The following MX2 variants were observed in gnomAD, a reference collection of about 807,000 sequenced individuals.
MX2 encodes interferon-induced GTP-binding protein Mx2.
Under a neutral mutation model 74.0 loss-of-function variants are expected in MX2, and 51 were observed. The ratio of observed to expected loss-of-function variants is 0.69; its 90% CI spans 0.55 to 0.87. The LOEUF (loss-of-function observed/expected upper bound fraction) is 0.87, where lower values mean the gene tolerates loss of function less well. Among genes scored for constraint, MX2 ranks in the 40% least tolerant of loss-of-function variants. The pLI is 0.00. For synonymous variants in MX2, 369 were observed against 339.3 expected (o/e 1.09, Z -0.96); for missense variants, 832 against 908.7 (o/e 0.92, Z 1.09).
chr21:41,369,648 G>A (rs563550006), intron 1 of MX2, among the ~76,000 whole-genome samples: 50 of 152,252 alleles, frequency 3.3e-4, no homozygotes, highest in Admixed American at 2.8e-3. Context: ...CGAGAAGTGA[G>A]GTGCTGCTCT....
chr21:41,403,030 T>C, intron 11 of MX2: 1 of 482,486 alleles, frequency 2.1e-6, no homozygotes, highest in Non-Finnish European at 3.8e-6. Context: ...GAGGCTAACA[T>C]GCACACAGGC....
intron 1 of MX2, among the ~76,000 whole-genome samples, chr21:41,367,765 A>G (rs1229295138): frequency 6.6e-6 from 1 of 152,170 alleles, no homozygotes; most frequent in African/African-American, 2.4e-5. Flanking sequence ...GCGGCTCAGC[A>G]GTACAGAGCC....
At chr21:41,376,808 G>A in intron 1 of MX2, 28 bp from the exon 2 acceptor site, 6 of 1,543,500 alleles carry the variant, frequency 3.9e-6, no homozygotes, top group Non-Finnish European at 5.3e-6. Flanking sequence ...GTGACCTGTG[G>A]GCCGCTCTCC....
At position 41,380,211 on chromosome 21, in the gene MX2, C is replaced by A. The variant is rs1326036962; in HGVS notation, c.577+60C>A. Reference sequence around the variant, plus strand: ...AGCCGCTCCTCTCACTTCCTCGGTTCCTTCTCCTCTTCCTCAAGTCACCCC... The same window carrying A: ...AGCCGCTCCTCTCACTTCCTCGGTTACTTCTCCTCTTCCTCAAGTCACCCC... On this transcript the variant is annotated intron_variant, in intron 4 of 13. Coordinates refer to ENST00000330714, the MANE Select transcript of MX2 (RefSeq NM_002463.2). The surrounding 1 kb of genome is among the most constrained non-coding windows in gnomAD (Gnocchi z 4.3). 11 of 1,604,702 alleles carry A rather than the reference C, an allele frequency of 6.9e-6. No homozygotes were observed. Among genetic ancestry groups the A allele is most frequent in the Non-Finnish European group, 9.4e-6 (11 of 1,174,528 alleles).
chr21:41,407,283 G>A lies in MX2; in HGVS notation c.1905+285G>A, dbSNP rs191269045. Among the ~76,000 whole-genome samples, 42 of 152,178 alleles carry A rather than the reference G, an allele frequency of 2.8e-4. No individual in the cohort carries two copies. The East Asian group carries it at 7.7e-3, about 28-fold the overall frequency. On this transcript the variant is annotated intron_variant, in intron 13 of 13. Transcript: ENST00000330714. ...CAAAATTCCTTATATTTCTTATGCG[G>A]TCCATGAATTACAAAATTACTATGA...
chr21:41,406,011 GAC>G (rs1019627982), intron 12 of MX2, among the ~76,000 whole-genome samples: 7 of 149,204 alleles, frequency 4.7e-5, no homozygotes, highest in African/African-American at 1.7e-4. Context: ...GCCTTTTTGA[GAC>G]GGAGTTTCGC....
Position 41,363,054 on chromosome 21 carries a change from C to T in MX2, c.-72+999C>T, listed in dbSNP as rs547791052. On this transcript the variant is annotated intron_variant, in intron 1 of 13. Coordinates refer to ENST00000330714, the MANE Select transcript of MX2 (RefSeq NM_002463.2). The surrounding 1 kb of genome is among the most constrained non-coding windows in gnomAD (Gnocchi z 4.2). Reference sequence around the variant, plus strand: ...GATTACAGGCGTAAGCCACCCCATTCGGCTTTGATGACACCTTTTGAACAC... The same window carrying T: ...GATTACAGGCGTAAGCCACCCCATTTGGCTTTGATGACACCTTTTGAACAC... 4.7e-4 allele frequency among the ~76,000 whole-genome samples: 72 copies of T among 152,226 alleles called. No homozygotes were observed. Among genetic ancestry groups the T allele is most frequent in the Non-Finnish European group, 7.1e-4 (48 of 68,008 alleles).
chr21:41,387,578 T>A (rs1256654698), intron 5 of MX2, among the ~76,000 whole-genome samples: 2 of 152,182 alleles, frequency 1.3e-5, no homozygotes, highest in East Asian at 3.9e-4. Context: ...GAATTGTTCC[T>A]CACTTCCCTG....
intron 1 of MX2, among the ~76,000 whole-genome samples, chr21:41,371,567 T>G (rs1015138260): frequency 7.9e-5 from 12 of 152,186 alleles, no homozygotes; most frequent in Admixed American, 7.9e-4. Context: ...AATGCTTAAC[T>G]GCGTACATGA....
chr21:41,366,110 A>C lies in MX2; in HGVS notation c.-72+4055A>C, dbSNP rs952570701. Reference sequence around the variant, plus strand: ...CCCAAAATAAATTCCTGGCAGTTCTATTTACTAATTAGGTAGGTCCAAACA... The same window carrying C: ...CCCAAAATAAATTCCTGGCAGTTCTCTTTACTAATTAGGTAGGTCCAAACA... On this transcript the variant is annotated intron_variant, in intron 1 of 13. Coordinates refer to ENST00000330714, the MANE Select transcript of MX2 (RefSeq NM_002463.2). This position sits in a 1 kb window ranked among gnomAD's most constrained non-coding sequence, Gnocchi z 4.5. The C allele has an allele frequency of 6.6e-6, 1 of 152,170 alleles. No individual in the cohort carries two copies. Among genetic ancestry groups the C allele is most frequent in the Non-Finnish European group, 1.5e-5 (1 of 68,044 alleles). 9.4% of individuals were successfully genotyped at this position (152,170 alleles called of 1,614,324 possible). A position where few individuals can be genotyped will look rare whatever the true frequency, so the allele number is the denominator to read the frequency against.
intron 5 of MX2, among the ~76,000 whole-genome samples, chr21:41,386,420 A>T (rs2089578488): frequency 1.3e-5 from 2 of 152,104 alleles, no homozygotes; most frequent in African/African-American, 4.8e-5. Context: ...AGTTTAGAGG[A>T]GCAATGAAAA....
Position 41,384,219 on chromosome 21 carries a change from G to A in MX2, c.732+1655G>A, listed in dbSNP as rs572453257. The stretch of plus-strand genomic sequence containing the variant: ...TCCTGTTAAGCCCGTGGAACTGCGA[G>A]TCAGTTAAACCTCTTTCCTTTATAA... On this transcript the variant is annotated intron_variant, in intron 5 of 13. Coordinates refer to ENST00000330714, the MANE Select transcript of MX2 (RefSeq NM_002463.2). Among the ~76,000 whole-genome samples, 70 of 152,304 alleles carry A rather than the reference G, an allele frequency of 4.6e-4. 1 individual carries two copies. In the South Asian group the frequency reaches 9.7e-3, roughly 21 times the overall value.
At chr21:41,385,073 G>A (rs182198857) in intron 5 of MX2, among the ~76,000 whole-genome samples, 8 of 152,200 alleles carry the variant, frequency 5.3e-5, no homozygotes, top group Admixed American at 5.2e-4. Context: ...CTCCTTACCT[G>A]TCTCACTGTC....
chr21:41,382,949 T>G (rs2089517994), intron 5 of MX2, among the ~76,000 whole-genome samples: 1 of 152,232 alleles, frequency 6.6e-6, no homozygotes, highest in Admixed American at 6.5e-5. Context: ...AGTCATAACA[T>G]GGACTGTGGT....
At chr21:41,372,390 G>T (rs1168837566) in intron 1 of MX2, among the ~76,000 whole-genome samples, 3 of 152,176 alleles carry the variant, frequency 2.0e-5, no homozygotes, top group Non-Finnish European at 4.4e-5. Context: ...AACTATTTTT[G>T]AGATTGCCAA....
At chr21:41,387,889 CCCT>C (rs2089603853) in intron 5 of MX2, among the ~76,000 whole-genome samples, 1 of 152,188 alleles carries the variant, frequency 6.6e-6, no homozygotes, top group African/African-American at 2.4e-5. Context: ...GGCACCTCCA[CCCT>C]CCCAGTGGCT....
At chr21:41,399,052 G>A (rs2089774707) in intron 9 of MX2, 33 bp downstream of exon 9, 2 of 1,603,220 alleles carry the variant, frequency 1.2e-6, no homozygotes, top group Admixed American at 1.7e-5. Flanking sequence ...ACGTGACACT[G>A]CATCCTTCCC....
chr21:41,375,845 G>T, intron 1 of MX2, among the ~76,000 whole-genome samples: 1 of 152,188 alleles, frequency 6.6e-6, no homozygotes, highest in East Asian at 1.9e-4. Flanking sequence ...TAGAGGAAAG[G>T]GGGATACAGT....
Position 41,398,052 on chromosome 21 carries a change from G to A in MX2, c.1149+361G>A, listed in dbSNP as rs145912219. On this transcript the variant is annotated intron_variant, in intron 8 of 13. Coordinates refer to ENST00000330714, the MANE Select transcript of MX2 (RefSeq NM_002463.2). Reference sequence around the variant, plus strand: ...TTGCCAGGCATGGTGGCTCATGCCTGTAATCCCAGCACTTTGGGAGGCTAA... The same window carrying A: ...TTGCCAGGCATGGTGGCTCATGCCTATAATCCCAGCACTTTGGGAGGCTAA... 3.5e-4 allele frequency among the ~76,000 whole-genome samples: 54 copies of A among 152,314 alleles called. 1 individual carries two copies. Among genetic ancestry groups the A allele is most frequent in the African/African-American group, 1.2e-3 (50 of 41,566 alleles).
Sources: gnomAD v4.1 joint callset for allele counts (sites outside exome capture counted in the v4.1 genomes callset) on GRCh38, gnomAD v4.1.1 for gene constraint, Gnocchi (gnomAD v3.1) non-coding constraint, MANE v1.5 for transcripts, NCBI Gene and HGNC (gene_info 2026-07-23, HGNC 2026-07-21) for gene names.